Variants in CACNA1S observed in about 807,000 individuals in gnomAD.
The protein encoded by CACNA1S is voltage-dependent L-type calcium channel subunit alpha-1S.
CACNA1S carries 126 observed loss-of-function variants against 207.4 expected under a neutral mutation model. That is an observed-to-expected ratio of 0.61 (90% CI 0.53 to 0.70). The LOEUF (loss-of-function observed/expected upper bound fraction) is 0.70. Among genes scored for constraint, CACNA1S ranks in the 30% least tolerant of loss-of-function variants. The probability of loss-of-function intolerance (pLI) is 0.00; values close to 1 mark genes in which losing one functional copy is unlikely to be tolerated. For missense variants in CACNA1S, 2,349 were observed against 2,422.8 expected (o/e 0.97, Z 0.64); for synonymous variants, 960 against 932.7 (o/e 1.03, Z -0.53).
rs780414084 is a variant in CACNA1S, at chr1:201,062,109, G to C, written c.2907-19C>G. ...GTAGCCCCTGTGGCAGGGAGGCCCAGTCACTCCACAGGGCATGGCTGGGCT... is the reference window on the plus strand; with the variant it reads ...GTAGCCCCTGTGGCAGGGAGGCCCACTCACTCCACAGGGCATGGCTGGGCT... On this transcript the variant is annotated intron_variant, in intron 23 of 43. Coordinates refer to ENST00000362061, the MANE Select transcript of CACNA1S (RefSeq NM_000069.3). 2 of 1,611,984 alleles carry C rather than the reference G, an allele frequency of 1.2e-6. No individual in the cohort carries two copies. Among genetic ancestry groups the C allele is most frequent in the African/African-American group, 1.3e-5 (1 of 74,918 alleles).
chr1:201,065,408 T>C (rs3767505), intron 22 of CACNA1S, among the ~76,000 whole-genome samples: 22,294 of 152,248 alleles, frequency 0.15, 2,221 homozygotes, highest in African/African-American at 0.27. Flanking sequence ...TAGATTGAAG[T>C]TTCATAGTCA....
Position 201,047,042 on chromosome 1 carries a change from T to C in CACNA1S, c.4668+73A>G, listed in dbSNP as rs971548855. On this transcript the variant is annotated intron_variant, in intron 38 of 43. Transcript: ENST00000362061. The stretch of plus-strand genomic sequence containing the variant: ...CTCCATCATTGGCCCCTCAAGGACA[T>C]GGAAGGATAACTAGAGTCTGGAGAC... 8 of 1,596,702 alleles carry C rather than the reference T, an allele frequency of 5.0e-6. No homozygotes were observed. In the African/African-American group the frequency reaches 5.4e-5, roughly 11 times the overall value.
At chr1:201,083,056 T>C (rs1219410267) in intron 10 of CACNA1S, 106 bp downstream of exon 10, 1 of 1,171,292 alleles carries the variant, frequency 8.5e-7, no homozygotes, top group Non-Finnish European at 1.3e-6. Context: ...ATGATGTCAA[T>C]ATCTAATTGA....
rs185718607 is a variant in CACNA1S, at chr1:201,051,107, C to T, written c.3990G>A (p.Leu1330=). The change falls in exon 33 of 44, where the codon CTG becomes CTA. Residue 1330 remains leucine (L), a synonymous_variant. Transcript: ENST00000362061. ...ATGEAWQEIL[L]ACSYGKLCDP... ...CACACAGCTTCCCATAGCTGCAGGCCAGTAGGATCTCCTGCCAGGCCTCAC... is the reference window on the plus strand; with the variant it reads ...CACACAGCTTCCCATAGCTGCAGGCTAGTAGGATCTCCTGCCAGGCCTCAC... The T allele has an allele frequency of 1.2e-6, 2 of 1,614,210 alleles. No individual in the cohort carries two copies. The highest frequency in any genetic ancestry group is 2.2e-5 in the East Asian group (1 of 44,888).
chr1:201,054,431 C>T (rs1322589058), intron 29 of CACNA1S, 74 bp downstream of exon 29: 2 of 1,449,274 alleles, frequency 1.4e-6, no homozygotes, highest in Non-Finnish European at 1.9e-6. Flanking sequence ...ATCCACGCAG[C>T]CAGGCCCATG....
At chr1:201,097,681 C>T (rs547451879) in intron 2 of CACNA1S, among the ~76,000 whole-genome samples, 2 of 152,266 alleles carry the variant, frequency 1.3e-5, no homozygotes, top group East Asian at 3.9e-4. Context: ...CTTCTCTGCC[C>T]CAAGAACAGG....
At chr1:201,085,733 A>G (rs527700741) in intron 7 of CACNA1S, 152 bp from the exon 8 acceptor site, 4 of 796,972 alleles carry the variant, frequency 5.0e-6, no homozygotes, top group South Asian at 1.8e-5. Context: ...GTGCCCCTCA[A>G]GGTGGCTGAG....
rs143816534 is a variant in CACNA1S at position 201,110,197 on chromosome 1, C to T, written c.225G>A (p.Pro75=). The change falls in exon 2 of 44, where the codon CCG becomes CCA. Residue 75 remains proline (P), a synonymous_variant. Coordinates refer to ENST00000362061, the MANE Select transcript of CACNA1S (RefSeq NM_000069.3). ...GGTTCAGAGAGTTGTTGTCATCTTC[C>T]GGCATGGGCAGGTACACGGCCAGGG... ...CVALAVYLPM[P]EDDNNSLNLG... 81 of 1,614,080 alleles carry T rather than the reference C, an allele frequency of 5.0e-5. 1 individual carries two copies. Among genetic ancestry groups the T allele is most frequent in the South Asian group, 2.7e-4 (25 of 91,082 alleles).
intron 2 of CACNA1S, among the ~76,000 whole-genome samples, chr1:201,094,826 G>T (rs555906148): frequency 6.6e-6 from 1 of 152,150 alleles, no homozygotes; most frequent in South Asian, 2.1e-4. Flanking sequence ...CAGAAGGCCC[G>T]GCCGACACTC....
At chr1:201,082,454 A>T (rs6689533) in intron 10 of CACNA1S, among the ~76,000 whole-genome samples, 134,029 of 152,210 alleles carry the variant, frequency 0.88, 59,100 homozygotes, top group East Asian at 1. Flanking sequence ...TAAACTGTTT[A>T]ACGTCTTCAT....
intron 2 of CACNA1S, among the ~76,000 whole-genome samples, chr1:201,096,490 G>T (rs1047570304): frequency 2.6e-5 from 4 of 152,176 alleles, no homozygotes; most frequent in African/African-American, 9.7e-5. Flanking sequence ...TGGATGCCCT[G>T]GGTAAGACCT....
At chr1:201,097,099 C>G (rs1407564269) in intron 2 of CACNA1S, among the ~76,000 whole-genome samples, 1 of 152,092 alleles carries the variant, frequency 6.6e-6, no homozygotes, top group African/African-American at 2.4e-5. Context: ...GTCCCAGTGT[C>G]CAGCAGGTCC....
rs1660467483 is a variant in CACNA1S, at chr1:201,046,326, C to T, written c.4668+789G>A. Among the ~76,000 whole-genome samples the T allele has an allele frequency of 3.9e-5, 6 of 152,200 alleles. No individual in the cohort carries two copies. The East Asian group carries it at 5.8e-4, about 15-fold the overall frequency. ...CCTCCCAAATAGCTGGGATTACAAGCGTATGCCACCATGCCCAGCTAATTT... is the reference window on the plus strand; with the variant it reads ...CCTCCCAAATAGCTGGGATTACAAGTGTATGCCACCATGCCCAGCTAATTT... On this transcript the variant is annotated intron_variant, in intron 38 of 43. Transcript: ENST00000362061.
chr1:201,104,290 C>T (rs953131106), intron 2 of CACNA1S, among the ~76,000 whole-genome samples: 2 of 152,154 alleles, frequency 1.3e-5, no homozygotes, highest in Non-Finnish European at 2.9e-5. Flanking sequence ...CACATCTCCG[C>T]CCCTGCCCCT....
At chr1:201,058,053 G>C (rs1660908009) in intron 28 of CACNA1S, among the ~76,000 whole-genome samples, 1 of 152,144 alleles carries the variant, frequency 6.6e-6, no homozygotes, top group African/African-American at 2.4e-5. Context: ...CCCTGCCTGA[G>C]GTGCTTGCTC....
At chr1:201,044,485 T>C (rs1034864100) in intron 38 of CACNA1S, 29 bp from the exon 39 acceptor site, 3 of 1,609,398 alleles carry the variant, frequency 1.9e-6, no homozygotes, top group Admixed American at 1.7e-5. Flanking sequence ...CTCAGTTATC[T>C]CTCCAGCCCA....
chr1:201,046,129 T>G (rs899334891), intron 38 of CACNA1S, among the ~76,000 whole-genome samples: 1 of 151,876 alleles, frequency 6.6e-6, no homozygotes, highest in Non-Finnish European at 1.5e-5. Context: ...GTTCTAAAGT[T>G]TTCTTTTCAC....
Position 201,083,290 on chromosome 1 carries a change from C to A in CACNA1S, c.1265G>T (p.Arg422Leu). 1.2e-6 allele frequency: 2 copies of A among 1,614,192 alleles called. No homozygotes were observed. Among genetic ancestry groups the A allele is most frequent in the Non-Finnish European group, 1.7e-6 (2 of 1,180,032 alleles). Reference protein sequence around the residue: ...RHWRQWNRIFRWKCHDIVKSK... With the variant: ...RHWRQWNRIFLWKCHDIVKSK... ...CTTCACGATGTCATGGCACTTCCAGCGAAAGATGCGGTTCCACTGCCTCCA... is the reference window on the plus strand; with the variant it reads ...CTTCACGATGTCATGGCACTTCCAGAGAAAGATGCGGTTCCACTGCCTCCA... Residue 422 changes from arginine (R) to leucine (L), a missense_variant, in exon 10 of 44, where the codon CGC becomes CTC. Transcript: ENST00000362061.
Position 201,043,371 on chromosome 1 carries a change from G to A in CACNA1S, c.4958C>T (p.Thr1653Ile). The A allele has an allele frequency of 2.5e-6, 4 of 1,614,212 alleles. No homozygotes were observed. In the South Asian group the frequency reaches 4.4e-5, roughly 18 times the overall value. Residue 1653 changes from threonine (T) to isoleucine (I), a missense_variant, in exon 40 of 44, where the codon ACC becomes ATC. Transcript: ENST00000362061. ...GGTATTGGCACGAGCCAGGGGGTTG[G>A]TGCGTGGATCTTGTGGGAAGTCCTC... ...FLEDFPQDPR[T>I]NPLARANTNN...
Sources: gnomAD v4.1 joint callset for allele counts (sites outside exome capture counted in the v4.1 genomes callset) on GRCh38, gnomAD v4.1.1 for gene constraint, MANE v1.5 for transcripts, NCBI Gene and HGNC (gene_info 2026-07-23, HGNC 2026-07-21) for gene names.